TOPAZ1: variants seen among roughly 807,000 people sequenced by gnomAD.
TOPAZ1 encodes testis and ovary specific TOPAZ 1, also known as protein TOPAZ1.
Under a neutral mutation model 172.2 loss-of-function variants are expected in TOPAZ1, and 66 were observed. The observed-to-expected ratio is 0.38, with a 90% CI of 0.31 to 0.47. The LOEUF is 0.47. Among genes scored for constraint, TOPAZ1 ranks in the 20% least tolerant of loss-of-function variants. The probability of loss-of-function intolerance (pLI) is 0.99; values close to 1 mark genes in which losing one functional copy is unlikely to be tolerated. For missense variants in TOPAZ1, 1,822 were observed against 1,972.4 expected, an observed-to-expected ratio of 0.92 and a Z score of 1.44; for synonymous variants, 681 against 683.9, an observed-to-expected ratio of 1.00 and a Z score of 0.07.
At chr3:44,261,127 G>A (rs1699771122) in intron 4 of TOPAZ1, among the ~76,000 whole-genome samples, 2 of 151,812 alleles carry the variant, frequency 1.3e-5, no homozygotes, top group South Asian at 2.1e-4. Flanking sequence ...TCACATTGTA[G>A]TTTTTTTAAT....
intron 2 of TOPAZ1, among the ~76,000 whole-genome samples, chr3:44,245,640 C>G (rs557374567): frequency 6.7e-6 from 1 of 148,734 alleles, no homozygotes; most frequent in South Asian, 2.2e-4. Context: ...AGGTTCACCC[C>G]ATTCTCCTGC....
chr3:44,292,914 AG>A (rs1184489513), intron 12 of TOPAZ1, among the ~76,000 whole-genome samples: 3 of 152,198 alleles, frequency 2.0e-5, no homozygotes, highest in African/African-American at 7.2e-5. Context: ...TCTATTTTAC[AG>A]TATATAACTT....
At chr3:44,288,042 CAG>C (rs1700098530) in intron 11 of TOPAZ1, among the ~76,000 whole-genome samples, 2 of 152,194 alleles carry the variant, frequency 1.3e-5, no homozygotes, top group African/African-American at 2.4e-5. Context: ...TAAATAGTTT[CAG>C]ACACTCAGAT....
At chr3:44,333,810 T>A (rs1274297924), downstream of TOPAZ1, among the ~76,000 whole-genome samples, 4 of 152,124 alleles carry the variant, frequency 2.6e-5, no homozygotes, top group Non-Finnish European at 5.9e-5. Flanking sequence ...GACAACAGTA[T>A]AGGTTTGAAA....
At position 44,244,714 on chromosome 3, in the gene TOPAZ1, C is replaced by T. The variant is rs1699539807; in HGVS notation, c.2208C>T (p.Ser736=). The T allele has an allele frequency of 1.9e-6, 3 of 1,551,262 alleles. No individual in the cohort carries two copies. The highest frequency in any genetic ancestry group is 1.7e-6 in the Non-Finnish European group (2 of 1,146,942). Residue 736 remains serine (S), a synonymous_variant, in exon 2 of 20, where the codon TCC becomes TCT. Coordinates refer to ENST00000309765, the MANE Select transcript of TOPAZ1 (RefSeq NM_001145030.2). ...VRQNRSKENV[S]MMMLGPQTLS... ...AGAACAGGAGTAAAGAAAATGTCTC[C>T]ATGATGATGTTAGGACCTCAAACTT...
chr3:44,298,907 A>ATATATATATATATATATATATATATATT (rs1700232326), intron 12 of TOPAZ1, among the ~76,000 whole-genome samples: 1 of 13,540 alleles, frequency 7.4e-5, no homozygotes, highest in Non-Finnish European at 1.2e-4. Flanking sequence ...ATATATATAT[A>ATATATATATATATATATATATATATATT]TATTTTTTTT....
At chr3:44,323,809 G>A (rs1406721242) in intron 18 of TOPAZ1, among the ~76,000 whole-genome samples, 1 of 152,132 alleles carries the variant, frequency 6.6e-6, no homozygotes, top group Non-Finnish European at 1.5e-5. Flanking sequence ...TACAGCTGTT[G>A]TTCTCTAACA....
At chr3:44,251,863 T>C (rs1236598046) in intron 2 of TOPAZ1, among the ~76,000 whole-genome samples, 1 of 152,166 alleles carries the variant, frequency 6.6e-6, no homozygotes, top group Non-Finnish European at 1.5e-5. Flanking sequence ...TTCCCTTCAT[T>C]TTTCCCTTTT....
intron 15 of TOPAZ1, 77 bp downstream of exon 15, chr3:44,306,503 C>A (rs1344491915): frequency 4.9e-6 from 4 of 810,096 alleles, no homozygotes; most frequent in South Asian, 2.2e-5. Context: ...ATAAGTTAAC[C>A]CTGCAAATTA....
intron 17 of TOPAZ1, among the ~76,000 whole-genome samples, chr3:44,322,262 A>G (rs994201264): frequency 3.3e-5 from 5 of 152,208 alleles, no homozygotes; most frequent in Non-Finnish European, 7.4e-5. Context: ...CTTTCTTCTA[A>G]GAATAACTGA....
At chr3:44,268,104 TA>T (rs1699851465) in intron 6 of TOPAZ1, among the ~76,000 whole-genome samples, 1 of 152,164 alleles carries the variant, frequency 6.6e-6, no homozygotes, top group Non-Finnish European at 1.5e-5. Flanking sequence ...GTTCTCTTTT[TA>T]AAAGACCAAC....
At chr3:44,321,919 T>C (rs1700540849) in intron 17 of TOPAZ1, among the ~76,000 whole-genome samples, 1 of 152,132 alleles carries the variant, frequency 6.6e-6, no homozygotes, top group Non-Finnish European at 1.5e-5. Context: ...ATACAATTAG[T>C]TGGTAATGAA....
chr3:44,259,615 A>G (rs771702135), intron 4 of TOPAZ1, among the ~76,000 whole-genome samples: 1 of 152,186 alleles, frequency 6.6e-6, no homozygotes, highest in Non-Finnish European at 1.5e-5. Context: ...CATTTTGCAT[A>G]TGTGCAAGCA....
chr3:44,321,551 A>C (rs1700506071), intron 17 of TOPAZ1, among the ~76,000 whole-genome samples: 1 of 152,236 alleles, frequency 6.6e-6, no homozygotes, highest in South Asian at 2.1e-4. Context: ...CTAGGAACAC[A>C]GGTAAACTTG....
intron 2 of TOPAZ1, among the ~76,000 whole-genome samples, chr3:44,246,860 G>A (rs191119956): frequency 1.4e-3 from 211 of 152,242 alleles, no homozygotes; most frequent in African/African-American, 4.2e-3. Flanking sequence ...AAAGGTTTGG[G>A]CATTTTTAAC....
intron 12 of TOPAZ1, among the ~76,000 whole-genome samples, chr3:44,302,544 G>T (rs1700284474): frequency 6.6e-6 from 1 of 152,140 alleles, no homozygotes; most frequent in African/African-American, 2.4e-5. Flanking sequence ...TGGACTGTTT[G>T]CCTATTCCTG....
chr3:44,335,527 G>A (rs953691857), downstream of TOPAZ1, among the ~76,000 whole-genome samples: 24 of 152,126 alleles, frequency 1.6e-4, no homozygotes, highest in African/African-American at 2.4e-5. Flanking sequence ...GGGAGGCTGA[G>A]GCAGGAGAAT....
Position 44,258,461 on chromosome 3 carries a change from C to T in TOPAZ1, c.2955+2183C>T, listed in dbSNP as rs1333096672. On this transcript the variant is annotated intron_variant, in intron 4 of 19. Coordinates refer to ENST00000309765, the MANE Select transcript of TOPAZ1 (RefSeq NM_001145030.2). The stretch of plus-strand genomic sequence containing the variant: ...CACCTACTTTCTTCTCTCTTTCCTC[C>T]ATCGCCCATTCCTTAACCCTGGACA... Among the ~76,000 whole-genome samples the T allele has an allele frequency of 1.9e-4, 29 of 152,176 alleles. 1 individual carries two copies. Among genetic ancestry groups the T allele is most frequent in the Non-Finnish European group, 5.9e-5 (4 of 68,040 alleles).
intron 16 of TOPAZ1, among the ~76,000 whole-genome samples, chr3:44,313,003 C>T (rs1700411939): frequency 6.6e-6 from 1 of 152,020 alleles, no homozygotes; most frequent in Admixed American, 6.5e-5. Flanking sequence ...GCATTTTTTT[C>T]AGGCAGTAGC....
Sources: gnomAD v4.1 joint callset for allele counts (sites outside exome capture counted in the v4.1 genomes callset) on GRCh38, gnomAD v4.1.1 for gene constraint, MANE v1.5 for transcripts, NCBI Gene and HGNC (gene_info 2026-07-23, HGNC 2026-07-21) for gene names.